Variants in STX8 observed in about 807,000 individuals in gnomAD.
The protein encoded by STX8 is syntaxin 8, also known as syntaxin-8.
Under a neutral mutation model 37.5 loss-of-function variants are expected in STX8, and 23 were observed. That is an observed-to-expected ratio of 0.61 (90% CI 0.44 to 0.87). The LOEUF (loss-of-function observed/expected upper bound fraction) is 0.87, where lower values mean the gene tolerates loss of function less well. Among genes scored for constraint, STX8 ranks in the 40% least tolerant of loss-of-function variants. The pLI, the probability that STX8 is intolerant of heterozygous loss-of-function variation, is 0.00. For synonymous variants in STX8, 115 were observed against 99.1 expected (o/e 1.16, Z -0.95); for missense variants, 313 against 284.7 (o/e 1.10, Z -0.71).
At chr17:9,355,158 C>A (rs1910834975) in intron 7 of STX8, among the ~76,000 whole-genome samples, 1 of 152,056 alleles carries the variant, frequency 6.6e-6, no homozygotes, top group South Asian at 2.1e-4. Flanking sequence ...ATAATGGACT[C>A]TTTCAATAAA....
intron 1 of STX8, among the ~76,000 whole-genome samples, chr17:9,573,389 G>A (rs546297763): frequency 1.3e-5 from 2 of 152,166 alleles, no homozygotes; most frequent in East Asian, 3.9e-4. Context: ...CGTTTCTATT[G>A]ATAATAACTC....
chr17:9,499,552 C>T (rs1385281494), intron 5 of STX8, among the ~76,000 whole-genome samples: 5 of 152,232 alleles, frequency 3.3e-5, no homozygotes, highest in South Asian at 4.1e-4. Flanking sequence ...GCGCCCGCCA[C>T]GGACGCCCAG....
intron 6 of STX8, among the ~76,000 whole-genome samples, chr17:9,429,792 T>A (rs1401219106): frequency 1.1e-4 from 2 of 18,110 alleles, no homozygotes; most frequent in African/African-American, 6.4e-4. Context: ...ATTTTATATA[T>A]TATATATAAC....
intron 7 of STX8, among the ~76,000 whole-genome samples, chr17:9,297,910 G>C (rs2142172978): frequency 6.6e-6 from 1 of 152,218 alleles, no homozygotes; most frequent in Non-Finnish European, 1.5e-5. Context: ...GGGCAAGTTG[G>C]GACCCCACTG....
intron 6 of STX8, among the ~76,000 whole-genome samples, chr17:9,454,953 T>C (rs1481082031): frequency 1.3e-5 from 2 of 152,032 alleles, no homozygotes; most frequent in African/African-American, 4.8e-5. Flanking sequence ...CAGTGGCTCA[T>C]GCCTGTAATC....
intron 6 of STX8, among the ~76,000 whole-genome samples, chr17:9,398,035 AATACG>A (rs1242144359): frequency 6.6e-6 from 1 of 151,922 alleles, no homozygotes; most frequent in Non-Finnish European, 1.5e-5. Flanking sequence ...ATGATTGAAT[AATACG>A]TGAAGGCGAA....
chr17:9,344,292 G>A lies in STX8; in HGVS notation c.643+34260C>T, dbSNP rs1260311835. ...TTTTTTTTTTTTGAGATAGAGTCTCGCTCTGTTGCCCAGGCTGTCATGCAA... is the reference window on the plus strand; with the variant it reads ...TTTTTTTTTTTTGAGATAGAGTCTCACTCTGTTGCCCAGGCTGTCATGCAA... On this transcript the variant is annotated intron_variant, in intron 7 of 7. Transcript: ENST00000306357. Among the ~76,000 whole-genome samples the A allele has an allele frequency of 6.8e-5, 10 of 146,864 alleles. No homozygotes were observed. The South Asian group carries it at 1.1e-3, about 15-fold the overall frequency.
intron 6 of STX8, among the ~76,000 whole-genome samples, chr17:9,440,939 C>A (rs1468982123): frequency 2.0e-5 from 3 of 152,210 alleles, no homozygotes; most frequent in African/African-American, 2.4e-5. Context: ...AAAGCTATCA[C>A]CCACTCCTCC....
At position 9,496,317 on chromosome 17, in the gene STX8, C is replaced by G. The variant is rs139832012; in HGVS notation, c.449-4396G>C. On this transcript the variant is annotated intron_variant, in intron 5 of 7. Transcript: ENST00000306357. ...TCTCGAACTCCTGACCTCAGGTGATCCAGCTGCCTCGGCCTCCCAAAGTGC... is the reference window on the plus strand; with the variant it reads ...TCTCGAACTCCTGACCTCAGGTGATGCAGCTGCCTCGGCCTCCCAAAGTGC... Among the ~76,000 whole-genome samples the G allele has an allele frequency of 4.6e-3, 707 of 152,234 alleles. 4 individuals are homozygous for G. The highest frequency in any genetic ancestry group is 0.016 in the African/African-American group (664 of 41,540).
intron 4 of STX8, among the ~76,000 whole-genome samples, chr17:9,520,656 A>C (rs1662542659): frequency 1.3e-5 from 2 of 152,226 alleles, no homozygotes; most frequent in Admixed American, 1.3e-4. Flanking sequence ...CCCCAAAGAA[A>C]ATGATGTACA....
At chr17:9,429,967 T>A (rs1338473016) in intron 6 of STX8, among the ~76,000 whole-genome samples, 45 of 1,784 alleles carry the variant, frequency 0.025, 16 homozygotes, top group African/African-American at 0.18. Context: ...ATATATATAT[T>A]ATATATTATA....
chr17:9,279,832 T>C (rs1567765907), intron 7 of STX8, among the ~76,000 whole-genome samples: 1 of 152,186 alleles, frequency 6.6e-6, no homozygotes, highest in Non-Finnish European at 1.5e-5. Context: ...ACACCTAACG[T>C]GGAAATAACA....
chr17:9,426,593 C>T (rs1913640529), intron 6 of STX8, among the ~76,000 whole-genome samples: 1 of 151,854 alleles, frequency 6.6e-6, no homozygotes. Flanking sequence ...GACCTTGTCT[C>T]TAGTAAAAAT....
At chr17:9,567,241 T>A (rs1342323135) in intron 2 of STX8, among the ~76,000 whole-genome samples, 1 of 152,028 alleles carries the variant, frequency 6.6e-6, no homozygotes, top group Admixed American at 6.6e-5. Flanking sequence ...GTACAACAAA[T>A]CCCCATAACA....
chr17:9,462,759 G>A lies in STX8; in HGVS notation c.541+29070C>T, dbSNP rs1208786929. Among the ~76,000 whole-genome samples, 41 of 152,176 alleles carry A rather than the reference G, an allele frequency of 2.7e-4. 1 individual carries two copies. Among genetic ancestry groups the A allele is most frequent in the East Asian group, 3.9e-4 (2 of 5,176 alleles). ...AATTTCCATCAGGAAAAAAGCATGG[G>A]GAATAATAAAACATCCAATGAAACC... On this transcript the variant is annotated intron_variant, in intron 6 of 7. Coordinates refer to ENST00000306357, the MANE Select transcript of STX8 (RefSeq NM_004853.3).
At chr17:9,338,616 T>C (rs1358337311) in intron 7 of STX8, among the ~76,000 whole-genome samples, 1 of 152,196 alleles carries the variant, frequency 6.6e-6, no homozygotes, top group East Asian at 1.9e-4. Flanking sequence ...AGTGAGATTT[T>C]TGTCTACTCT....
At chr17:9,483,425 C>T (rs12103492) in intron 6 of STX8, among the ~76,000 whole-genome samples, 5,575 of 152,226 alleles carry the variant, frequency 0.037, 331 homozygotes, top group African/African-American at 0.13. Flanking sequence ...AATCTACCCA[C>T]CGTGGCAATC....
At chr17:9,428,535 C>T (rs970789864) in intron 6 of STX8, among the ~76,000 whole-genome samples, 14 of 152,028 alleles carry the variant, frequency 9.2e-5, no homozygotes, top group African/African-American at 1.9e-4. Context: ...CCACCCCGTC[C>T]GGCAAAGAAA....
At chr17:9,261,386 G>C (rs1907027851) in intron 7 of STX8, among the ~76,000 whole-genome samples, 1 of 152,208 alleles carries the variant, frequency 6.6e-6, no homozygotes, top group African/African-American at 2.4e-5. Context: ...CTTATCTGTT[G>C]AGTGCCTACT....
Sources: gnomAD v4.1 joint callset for allele counts (sites outside exome capture counted in the v4.1 genomes callset) on GRCh38, gnomAD v4.1.1 for gene constraint, MANE v1.5 for transcripts, NCBI Gene and HGNC (gene_info 2026-07-23, HGNC 2026-07-21) for gene names.